ITIH1: variants seen among roughly 807,000 people sequenced by gnomAD.
ITIH1 encodes the protein inter-alpha-trypsin inhibitor heavy chain H1.
A neutral mutation model predicts 104.6 loss-of-function variants in ITIH1; 94 were observed. That is an observed-to-expected ratio of 0.90 (90% confidence interval 0.76 to 1.07). The LOEUF (loss-of-function observed/expected upper bound fraction) is 1.07. Among genes scored for constraint, ITIH1 ranks in the 50% least tolerant of loss-of-function variants. The pLI is 0.00. For missense variants in ITIH1, 1,193 were observed against 1,181.4 expected (o/e 1.01, Z -0.14); for synonymous variants, 455 against 464.4 (o/e 0.98, Z 0.26).
chr3:52,779,635 C>G lies in ITIH1; in HGVS notation c.573+41C>G. The stretch of plus-strand genomic sequence containing the variant: ...CGGGGCAGGGGTCCTGCCCCTCTCT[C>G]CGTCACCATGGCTCCCAACACTGGT... On this transcript the variant is annotated intron_variant, in intron 5 of 21. Transcript: ENST00000273283. The surrounding 1 kb of genome is among the most constrained non-coding windows in gnomAD (Gnocchi z 4.4). 1 of 1,608,112 alleles carries G rather than the reference C, an allele frequency of 6.2e-7. No individual in the cohort carries two copies. The highest frequency in any genetic ancestry group is 8.5e-7 in the Non-Finnish European group (1 of 1,174,800).
intron 1 of ITIH1, 94 bp from the exon 2 acceptor site, chr3:52,777,903 G>A (rs1187785489): frequency 1.3e-6 from 2 of 1,515,346 alleles, no homozygotes; most frequent in African/African-American, 1.4e-5. Flanking sequence ...AAGGGGCAGA[G>A]GACACAGGCT....
intron 3 of ITIH1, 160 bp from the exon 4 acceptor site, chr3:52,778,782 G>A (rs1698967691): frequency 1.8e-6 from 2 of 1,122,016 alleles, no homozygotes; most frequent in African/African-American, 1.6e-5. Flanking sequence ...TCTGACCTGG[G>A]CTGCTCACCT....
rs769602519 is a variant in ITIH1, at chr3:52,787,114, G to A, written c.1888+15G>A. The A allele has an allele frequency of 1.2e-6, 2 of 1,614,060 alleles. No individual in the cohort carries two copies. The highest frequency in any genetic ancestry group is 1.3e-5 in the African/African-American group (1 of 74,930). ...GCCCTCAGAGGGTATAGGCTGCAGG[G>A]GTCTACAGAAGGGAGAGGCCATGGG... On this transcript the variant is annotated intron_variant, in intron 14 of 21. Coordinates refer to ENST00000273283, the MANE Select transcript of ITIH1 (RefSeq NM_002215.4).
At chr3:52,791,725 G>C (rs1247323426) in intron 21 of ITIH1, 57 bp from the exon 22 acceptor site, 1 of 1,605,856 alleles carries the variant, frequency 6.2e-7, no homozygotes, top group African/African-American at 1.3e-5. Flanking sequence ...GAGCTTCCTG[G>C]GGAGGTGCTG....
chr3:52,785,110 G>A lies in ITIH1; in HGVS notation c.1474G>A (p.Val492Ile). The A allele has an allele frequency of 1.9e-6, 3 of 1,614,154 alleles. No individual in the cohort carries two copies. Among genetic ancestry groups the A allele is most frequent in the South Asian group, 1.1e-5 (1 of 91,086 alleles). The change falls in exon 12 of 22, where the codon GTC becomes ATC. Residue 492 changes from valine to isoleucine, a missense_variant. Val to Ile is a conservative substitution (Grantham distance 29, BLOSUM62 3). Transcript: ENST00000273283. ...DVDLQYPQDA[V>I]LALTQNHHKQ... ...GGATTTGCAGTACCCCCAGGATGCTGTCTTGGCCCTGACCCAGAACCACCA... is the reference window on the plus strand; with the variant it reads ...GGATTTGCAGTACCCCCAGGATGCTATCTTGGCCCTGACCCAGAACCACCA...
Position 52,779,475 on chromosome 3 carries a change from G to A in ITIH1, c.454G>A (p.Val152Ile), listed in dbSNP as rs147534607. The A allele has an allele frequency of 3.5e-5, 56 of 1,614,092 alleles. No individual in the cohort carries two copies. In the African/African-American group the frequency reaches 3.6e-4, roughly 10 times the overall value. The change falls in exon 5 of 22, where the codon GTC becomes ATC. Residue 152 changes from valine to isoleucine, a missense_variant. By Grantham distance (29) the Val-to-Ile change is conservative. Transcript: ENST00000273283. The surrounding 1 kb of genome is among the most constrained non-coding windows in gnomAD (Gnocchi z 4.4). ...GGAGCAATTCACCATCCACCTCACC[G>A]TCAATCCCCAGAGCAAGGTCACGTT... ...TMEQFTIHLT[V>I]NPQSKVTFQL... is the part of the protein sequence containing the mutation.
At chr3:52,785,973 C>G in intron 12 of ITIH1, among the ~76,000 whole-genome samples, 1 of 152,184 alleles carries the variant, frequency 6.6e-6, no homozygotes, top group Non-Finnish European at 1.5e-5. Flanking sequence ...AATGGTGCAG[C>G]CCACCTAGAA....
Position 52,783,301 on chromosome 3 carries a change from C to T in ITIH1, c.1187C>T (p.Ser396Leu). Reference protein sequence around the residue: ...ESLPELSNHASILIMLTDGDP... With the variant: ...ESLPELSNHALILIMLTDGDP... ...CTCCCAGAACTCAGCAACCATGCCT[C>T]AATACTCATCATGTTGACAGATGGC... The change falls in exon 10 of 22, where the codon TCA becomes TTA. Residue 396 changes from serine to leucine, a missense_variant. Coordinates refer to ENST00000273283, the MANE Select transcript of ITIH1 (RefSeq NM_002215.4). 6.2e-7 allele frequency: 1 copy of T among 1,614,106 alleles called. No individual in the cohort carries two copies. The highest frequency in any genetic ancestry group is 1.1e-5 in the South Asian group (1 of 91,074).
At chr3:52,790,977 T>C (rs1000569067) in intron 20 of ITIH1, 56 bp downstream of exon 20, 87 of 1,528,374 alleles carry the variant, frequency 5.7e-5, no homozygotes, top group Admixed American at 8.7e-5. Context: ...CCAGAGGACA[T>C]GTGGGACCTG....
Position 52,778,692 on chromosome 3 carries a change from G to C in ITIH1, c.305+186G>C, listed in dbSNP as rs188245005. On this transcript the variant is annotated intron_variant, in intron 3 of 21. Coordinates refer to ENST00000273283, the MANE Select transcript of ITIH1 (RefSeq NM_002215.4). ...GTCTGTGCTTGGCTCCCATCTTGGA[G>C]GCAAACTGGGACCCATCACAGCATG... The C allele has an allele frequency of 3.8e-4, 539 of 1,437,328 alleles. 2 individuals are homozygous for C. In the African/African-American group the frequency reaches 7.3e-3, roughly 19 times the overall value. 89.0% of individuals were successfully genotyped at this position (1,437,328 alleles called of 1,614,324 possible).
intron 11 of ITIH1, 132 bp downstream of exon 11, chr3:52,784,609 G>A: frequency 3.2e-6 from 3 of 928,270 alleles, no homozygotes; most frequent in Admixed American, 2.8e-5. Flanking sequence ...CATGGGCCAG[G>A]CATGGTGGCT....
intron 12 of ITIH1, 44 bp from the exon 13 acceptor site, chr3:52,786,244 GGGGCCGT>G: frequency 6.5e-7 from 1 of 1,543,190 alleles, no homozygotes; most frequent in South Asian, 1.2e-5. Context: ...GCACCAGCCA[GGGGCCGT>G]GCTTATCATG....
rs1209655811 is a variant in ITIH1, at chr3:52,777,742, T to G, written c.117+10T>G. On this transcript the variant is annotated intron_variant, in intron 1 of 21. Coordinates refer to ENST00000273283, the MANE Select transcript of ITIH1 (RefSeq NM_002215.4). Reference sequence around the variant, plus strand: ...GTCCAAGAGCAGCGAGGTATATGGCTAAGCCCACAGGGCAGAAATAGGCAG... The same window carrying G: ...GTCCAAGAGCAGCGAGGTATATGGCGAAGCCCACAGGGCAGAAATAGGCAG... The G allele has an allele frequency of 4.5e-6, 7 of 1,568,772 alleles. No individual in the cohort carries two copies. Among genetic ancestry groups the G allele is most frequent in the Non-Finnish European group, 6.1e-6 (7 of 1,156,448 alleles).
At chr3:52,784,850 G>A (rs948791321) in intron 11 of ITIH1, among the ~76,000 whole-genome samples, 194 bp from the exon 12 acceptor site, 1 of 150,682 alleles carries the variant, frequency 6.6e-6, no homozygotes, top group African/African-American at 2.5e-5. Flanking sequence ...ACTCCAGCCT[G>A]GGCAACACAG....
chr3:52,786,267 C>G (rs1208037119), intron 12 of ITIH1, 28 bp from the exon 13 acceptor site: 1 of 1,558,838 alleles, frequency 6.4e-7, no homozygotes, highest in Admixed American at 1.9e-5. Flanking sequence ...TCATGGTGCA[C>G]CACCCCTCTC....
At chr3:52,781,757 T>C (rs1186097888) in intron 6 of ITIH1, among the ~76,000 whole-genome samples, 183 bp from the exon 7 acceptor site, 1 of 152,180 alleles carries the variant, frequency 6.6e-6, no homozygotes, top group East Asian at 1.9e-4. Flanking sequence ...GAATGGGTCA[T>C]CTCTCCCACC....
Position 52,789,865 on chromosome 3 carries a change from AGGGCCT to A in ITIH1, c.2321+16_2321+21del, listed in dbSNP as rs151149643. 1.4e-3 allele frequency: 2,214 copies of A among 1,613,370 alleles called. 52 individuals carry two copies. The East Asian group carries it at 0.045, about 33-fold the overall frequency. On this transcript the variant is annotated intron_variant, in intron 19 of 21. Transcript: ENST00000273283. ...GCTGCGGCAGGACGGGTAACCTGCC[AGGGCCT>A]GGGCAAGATGCAGGGGGAGGTGTGG...
chr3:52,780,592 G>A (rs1436969240), intron 6 of ITIH1, among the ~76,000 whole-genome samples: 1 of 152,226 alleles, frequency 6.6e-6, no homozygotes, highest in Non-Finnish European at 1.5e-5. Context: ...TGCATGCTGA[G>A]GTGGGGAAGG....
chr3:52,786,666 G>T (rs1699211755), intron 13 of ITIH1, among the ~76,000 whole-genome samples: 1 of 152,226 alleles, frequency 6.6e-6, no homozygotes, highest in African/African-American at 2.4e-5. Flanking sequence ...GCTCAGCGAG[G>T]TTAGACCTCT....
Sources: allele counts gnomAD v4.1 joint callset (sites outside exome capture counted in the v4.1 genomes callset), GRCh38; gene constraint gnomAD v4.1.1; non-coding constraint Gnocchi (gnomAD v3.1); transcripts MANE v1.5; gene names NCBI Gene and HGNC (gene_info 2026-07-23, HGNC 2026-07-21).